The following LRRC36 variants were observed in gnomAD, a reference collection of about 807,000 sequenced individuals.
LRRC36 encodes the protein leucine rich repeat containing 36.
LRRC36 carries 62 observed loss-of-function variants against 81.1 expected under a neutral mutation model. The observed-to-expected ratio is 0.76, with a 90% CI of 0.62 to 0.94. LRRC36 has a LOEUF of 0.94. Among genes scored for constraint, LRRC36 ranks in the 40% least tolerant of loss-of-function variants. The pLI, the probability that LRRC36 is intolerant of heterozygous loss-of-function variation, is 0.00. For missense variants in LRRC36, 761 were observed against 881.7 expected (o/e 0.86, Z 1.73); for synonymous variants, 334 against 348.6 (o/e 0.96, Z 0.47).
Position 67,350,203 on chromosome 16 carries a change from T to C in LRRC36, c.490T>C (p.Ser164Pro). ...TAAATAAATTATTCTATGTGGCAGC[T>C]CTAGGGAGAAGACAATGAAAAACTG... The part of the protein sequence containing the change: ...ENFLLEVEKS[S>P]REKTMKNCVT... Residue 164 changes from serine to proline, a missense_variant and splice_region_variant, in exon 5 of 14, where the codon TCT (serine) becomes CCT (proline). Ser to Pro is a moderately conservative substitution (Grantham distance 74, BLOSUM62 -1). Around this residue, in one of 3 missense-constraint regions of LRRC36, gnomAD observed 263 missense variants for 279.3 expected, o/e 0.94. Coordinates refer to ENST00000329956, the MANE Select transcript of LRRC36 (RefSeq NM_018296.6). The C allele has an allele frequency of 6.2e-7, 1 of 1,602,416 alleles. No homozygotes were observed. Among genetic ancestry groups the C allele is most frequent in the Non-Finnish European group, 8.5e-7 (1 of 1,172,334 alleles).
chr16:67,370,570 T>G (rs1185724213), intron 8 of LRRC36, among the ~76,000 whole-genome samples: 4 of 149,194 alleles, frequency 2.7e-5, no homozygotes, highest in African/African-American at 1.0e-4. Flanking sequence ...GAGGCAGAGG[T>G]TGCAGTGAGC....
chr16:67,328,021 A>T, intron 1 of LRRC36, among the ~76,000 whole-genome samples: 1 of 152,122 alleles, frequency 6.6e-6, no homozygotes, highest in East Asian at 1.9e-4. Flanking sequence ...TTTGCTGAAA[A>T]TTTTAGCTGT....
intron 3 of LRRC36, among the ~76,000 whole-genome samples, chr16:67,346,660 CT>C (rs2038363205): frequency 6.6e-6 from 1 of 152,204 alleles, no homozygotes; most frequent in South Asian, 2.1e-4. Flanking sequence ...TTACTTCCAG[CT>C]TTAGTTTTCT....
intron 3 of LRRC36, among the ~76,000 whole-genome samples, chr16:67,347,021 C>T (rs1376014796): frequency 6.6e-6 from 1 of 152,080 alleles, no homozygotes; most frequent in Admixed American, 6.6e-5. Context: ...ACTACAGGCA[C>T]GCACCACCAC....
intron 1 of LRRC36, among the ~76,000 whole-genome samples, chr16:67,332,310 T>C (rs1275663614): frequency 6.6e-6 from 1 of 152,114 alleles, no homozygotes; most frequent in African/African-American, 2.4e-5. Flanking sequence ...TCCCAGCACT[T>C]TGGGAGGCTG....
intron 12 of LRRC36, among the ~76,000 whole-genome samples, chr16:67,380,516 T>C (rs1203358291): frequency 6.6e-6 from 1 of 152,188 alleles, no homozygotes; most frequent in Non-Finnish European, 1.5e-5. Flanking sequence ...CTAAGCAAAT[T>C]ATGGGTACAT....
intron 2 of LRRC36, 73 bp downstream of exon 2, chr16:67,342,157 T>C: frequency 1.8e-6 from 2 of 1,109,326 alleles, no homozygotes; most frequent in Non-Finnish European, 2.5e-6. Flanking sequence ...AAGAGATAGA[T>C]CATGTCATCC....
At chr16:67,382,358 C>A in intron 13 of LRRC36, 111 bp downstream of exon 13, 1 of 711,764 alleles carries the variant, frequency 1.4e-6, no homozygotes, top group Non-Finnish European at 2.4e-6. Flanking sequence ...GAACTCCATT[C>A]TGTGTGTAAA....
chr16:67,360,638 A>G (rs16957358), intron 5 of LRRC36, among the ~76,000 whole-genome samples: 13,492 of 152,244 alleles, frequency 0.089, 987 homozygotes, highest in African/African-American at 0.21. Context: ...TGTCGAGTCC[A>G]GTGGTTGGAA....
intron 1 of LRRC36, 94 bp from the exon 2 acceptor site, chr16:67,341,863 G>A (rs1441494789): frequency 8.1e-6 from 8 of 990,088 alleles, no homozygotes; most frequent in Non-Finnish European, 1.2e-5. Flanking sequence ...GCCTTGCACA[G>A]TTGAGATATG....
chr16:67,364,835 C>T (rs1041711165), intron 6 of LRRC36, among the ~76,000 whole-genome samples: 11 of 152,126 alleles, frequency 7.2e-5, no homozygotes, highest in African/African-American at 2.7e-4. Flanking sequence ...ACACTGAATA[C>T]TTTAAGATAA....
intron 8 of LRRC36, among the ~76,000 whole-genome samples, chr16:67,367,882 C>G (rs2039472853): frequency 6.6e-6 from 1 of 152,148 alleles, no homozygotes. Context: ...GAAACCCCGT[C>G]TCTACCAAAA....
At chr16:67,378,804 A>C in intron 12 of LRRC36, 92 bp downstream of exon 12, 474 of 1,422,004 alleles carry the variant, frequency 3.3e-4, no homozygotes, top group Non-Finnish European at 4.0e-4. Context: ...ATGCTAGCTC[A>C]CGTGGCTGCC....
At chr16:67,340,207 G>A (rs967420659) in intron 1 of LRRC36, among the ~76,000 whole-genome samples, 7 of 152,118 alleles carry the variant, frequency 4.6e-5, no homozygotes, top group Non-Finnish European at 4.4e-5. Context: ...AGCAACTTAA[G>A]ATCTTATTTC....
intron 5 of LRRC36, among the ~76,000 whole-genome samples, chr16:67,355,935 G>A (rs1237340031): frequency 6.6e-6 from 1 of 152,180 alleles, no homozygotes; most frequent in African/African-American, 2.4e-5. Flanking sequence ...TGGGGTTGGT[G>A]TGAATTACTG....
chr16:67,347,407 T>C (rs2038402427), intron 3 of LRRC36, 88 bp from the exon 4 acceptor site: 2 of 1,579,350 alleles, frequency 1.3e-6, no homozygotes, highest in African/African-American at 2.7e-5. Flanking sequence ...TCCTAATTTT[T>C]CCTCTGCGAA....
intron 5 of LRRC36, among the ~76,000 whole-genome samples, chr16:67,362,897 C>G (rs756066123): frequency 5.3e-5 from 8 of 152,244 alleles, no homozygotes; most frequent in Non-Finnish European, 1.0e-4. Context: ...CCTGCCTTAG[C>G]CTCCTGAGTA....
intron 7 of LRRC36, 81 bp from the exon 8 acceptor site, chr16:67,366,936 T>C (rs2039422691): frequency 9.4e-7 from 1 of 1,062,272 alleles, no homozygotes; most frequent in Non-Finnish European, 1.4e-6. Flanking sequence ...ACAGAGAATA[T>C]GTTCAGTGAA....
At chr16:67,370,258 G>A (rs1479550834) in intron 8 of LRRC36, among the ~76,000 whole-genome samples, 1 of 152,158 alleles carries the variant, frequency 6.6e-6, no homozygotes, top group Admixed American at 6.5e-5. Context: ...TGGCACCTGG[G>A]TGTAAGGAGG....
Sources: allele counts gnomAD v4.1 joint callset (sites outside exome capture counted in the v4.1 genomes callset), GRCh38; gene constraint gnomAD v4.1.1; regional missense constraint gnomAD v4.1.1; transcripts MANE v1.5; gene names NCBI Gene and HGNC (gene_info 2026-07-23, HGNC 2026-07-21).